Variants in FGF14 observed in about 807,000 individuals in gnomAD.
FGF14 encodes the protein fibroblast growth factor homologous factor 4.
FGF14 carries 5 observed loss-of-function variants against 25.5 expected under a neutral mutation model. The observed-to-expected ratio is 0.20, with a 90% CI of 0.10 to 0.41. The LOEUF is 0.41. Ranked by LOEUF, FGF14 falls within the 10% of genes least tolerant of loss-of-function variation. FGF14 has a pLI of 1.00. For synonymous variants in FGF14, 138 were observed against 118.3 expected (o/e 1.17, Z -1.08); for missense variants, 222 against 320.1 (o/e 0.69, Z 2.34).
Position 102,401,606 on chromosome 13 carries a change from A to G in FGF14, c.73T>C (p.Phe25Leu), listed in dbSNP as rs769648115. ...TCCAGCAGCTTAGACACCCTGAGAA[A>G]GAAGAGATCCTTGTGGTTGCATAAT... The change falls in exon 1 of 5, where the codon TTT becomes CTT. Residue 25 changes from phenylalanine to leucine, a missense_variant. Physicochemically the swap from Phe to Leu is conservative, Grantham distance 22. Transcript: ENST00000376131. 1.9e-6 allele frequency: 3 copies of G among 1,614,202 alleles called. No homozygotes were observed. In the Admixed American group the frequency reaches 5.0e-5, roughly 27 times the overall value.
At chr13:101,833,930 A>G (rs1308204471) in intron 3 of FGF14, among the ~76,000 whole-genome samples, 1 of 152,112 alleles carries the variant, frequency 6.6e-6, no homozygotes, top group Non-Finnish European at 1.5e-5. Flanking sequence ...TGACACAAAT[A>G]TCTGAAATGT....
intron 3 of FGF14, among the ~76,000 whole-genome samples, chr13:101,736,588 G>A (rs1270396023): frequency 6.6e-6 from 1 of 152,146 alleles, no homozygotes; most frequent in East Asian, 1.9e-4. Flanking sequence ...ACCACATGCA[G>A]TCTGATGGCC....
intron 1 of FGF14, among the ~76,000 whole-genome samples, chr13:102,086,552 C>A (rs1026176573): frequency 6.6e-6 from 1 of 151,990 alleles, no homozygotes; most frequent in African/African-American, 2.4e-5. Context: ...GTGCTTCCGA[C>A]CTTATTTTAT....
At chr13:101,950,759 T>G (rs1033962827) in intron 1 of FGF14, among the ~76,000 whole-genome samples, 5 of 151,598 alleles carry the variant, frequency 3.3e-5, no homozygotes, top group South Asian at 2.1e-4. Flanking sequence ...ATGTTTTTTT[T>G]TTTTTTTTTT....
At chr13:102,196,957 G>GT (rs60053028) in intron 1 of FGF14, among the ~76,000 whole-genome samples, 44 of 149,704 alleles carry the variant, frequency 2.9e-4, no homozygotes, top group African/African-American at 4.2e-4. Context: ...TGTTTTTTTG[G>GT]TTTTTTTTTT....
chr13:102,024,256 T>A (rs1010686832), intron 1 of FGF14, among the ~76,000 whole-genome samples: 2 of 152,048 alleles, frequency 1.3e-5, no homozygotes, highest in African/African-American at 4.8e-5. Flanking sequence ...CGCATGAGGA[T>A]TCTAATTCCT....
intron 3 of FGF14, among the ~76,000 whole-genome samples, chr13:101,745,900 G>A (rs958942094): frequency 2.6e-5 from 4 of 152,120 alleles, no homozygotes; most frequent in South Asian, 2.1e-4. Context: ...CAGAGTGCTC[G>A]CAAGATTGTA....
Position 101,954,314 on chromosome 13 carries a change from G to A in FGF14, c.209-79018C>T, listed in dbSNP as rs184675923. 4.9e-3 allele frequency among the ~76,000 whole-genome samples: 751 copies of A among 151,960 alleles called. 4 individuals carry two copies. Among genetic ancestry groups the A allele is most frequent in the African/African-American group, 0.017 (705 of 41,406 alleles). On this transcript the variant is annotated intron_variant, in intron 1 of 4. Transcript: ENST00000376131. ...ATCAACAATGTATGAGGCACTGGGC[G>A]GGGTGGGGGGGTGGTAACTGAATTT...
At chr13:102,213,293 G>A (rs1051791771) in intron 1 of FGF14, among the ~76,000 whole-genome samples, 2 of 152,112 alleles carry the variant, frequency 1.3e-5, no homozygotes, top group Non-Finnish European at 2.9e-5. Context: ...AATTTACACT[G>A]GAAAAAATAT....
intron 1 of FGF14, among the ~76,000 whole-genome samples, chr13:101,953,634 AG>A (rs2036320450): frequency 6.7e-6 from 1 of 149,678 alleles, no homozygotes; most frequent in African/African-American, 2.5e-5. Context: ...CTTGTTGCCC[AG>A]GCTGGAGTAC....
chr13:102,398,481 A>C (rs1400229015), intron 1 of FGF14, among the ~76,000 whole-genome samples: 1 of 152,222 alleles, frequency 6.6e-6, no homozygotes, highest in Non-Finnish European at 1.5e-5. Flanking sequence ...TTTATCTCTG[A>C]AATAAGAATA....
At chr13:102,375,877 T>A (rs2058028803) in intron 1 of FGF14, among the ~76,000 whole-genome samples, 1 of 152,224 alleles carries the variant, frequency 6.6e-6, no homozygotes, top group Non-Finnish European at 1.5e-5. Context: ...TAGGATGTAC[T>A]AATATATATT....
intron 1 of FGF14, among the ~76,000 whole-genome samples, chr13:102,227,435 C>T (rs2050875079): frequency 6.6e-6 from 1 of 152,062 alleles, no homozygotes; most frequent in African/African-American, 2.4e-5. Flanking sequence ...ACTGGGTCTT[C>T]CTCTCCTACT....
intron 1 of FGF14, among the ~76,000 whole-genome samples, chr13:101,906,645 AC>A (rs2032283317): frequency 6.6e-6 from 1 of 152,150 alleles, no homozygotes; most frequent in African/African-American, 2.4e-5. Flanking sequence ...GTTACATGTT[AC>A]CCCGGAAAAT....
intron 3 of FGF14, among the ~76,000 whole-genome samples, chr13:101,784,111 T>C (rs939138087): frequency 6.6e-6 from 1 of 152,124 alleles, no homozygotes; most frequent in Non-Finnish European, 1.5e-5. Flanking sequence ...AGCTTCTTGA[T>C]TGATCTCTTT....
At chr13:101,931,068 T>G (rs1219535056) in intron 1 of FGF14, among the ~76,000 whole-genome samples, 1 of 152,216 alleles carries the variant, frequency 6.6e-6, no homozygotes, top group Non-Finnish European at 1.5e-5. Flanking sequence ...CGGAACAAAA[T>G]ATTTATCCTT....
chr13:101,714,289 T>A lies in FGF14; in HGVS notation c.*8542A>T. Reference sequence around the variant, plus strand: ...CTTTATGAATTACAGTAAGTAAAGCTCCCCTCTGAGAAACCAGCCATTCAA... The same window carrying A: ...CTTTATGAATTACAGTAAGTAAAGCACCCCTCTGAGAAACCAGCCATTCAA... On this transcript the variant is annotated 3_prime_UTR_variant, in exon 5 of 5. Transcript: ENST00000376143. 1 of 634,956 alleles carries A rather than the reference T, an allele frequency of 1.6e-6. No homozygotes were observed. Among genetic ancestry groups the A allele is most frequent in the Non-Finnish European group, 2.8e-6 (1 of 352,312 alleles). 39.3% of individuals were successfully genotyped at this position (634,956 alleles called of 1,614,324 possible). A position where few individuals can be genotyped will look rare whatever the true frequency, so the allele number is the denominator to read the frequency against.
At chr13:101,885,651 T>G (rs920300167) in intron 1 of FGF14, among the ~76,000 whole-genome samples, 3 of 151,852 alleles carry the variant, frequency 2.0e-5, no homozygotes, top group African/African-American at 7.3e-5. Flanking sequence ...AAGTTTCCCT[T>G]TACCCAAAAG....
chr13:102,028,311 T>C (rs1318213646), intron 1 of FGF14, among the ~76,000 whole-genome samples: 4 of 152,042 alleles, frequency 2.6e-5, no homozygotes, highest in Non-Finnish European at 5.9e-5. Context: ...ATGGAATTAG[T>C]ATTCGCACTG....
Sources: allele counts gnomAD v4.1 joint callset (sites outside exome capture counted in the v4.1 genomes callset), GRCh38; gene constraint gnomAD v4.1.1; transcripts MANE v1.5; gene names NCBI Gene and HGNC (gene_info 2026-07-23, HGNC 2026-07-21).